The following HEG1 variants were observed in gnomAD, a reference collection of about 807,000 sequenced individuals.
HEG1 encodes the protein heart development protein with EGF like domains 1, also known as protein HEG homolog 1.
In HEG1, 56 loss-of-function variants were observed where a neutral mutation model predicts 125.6. The ratio of observed to expected loss-of-function variants is 0.45; its 90% CI spans 0.36 to 0.56. The LOEUF is 0.56. Among genes scored for constraint, HEG1 ranks in the 20% least tolerant of loss-of-function variants. The pLI, the probability that HEG1 is intolerant of heterozygous loss-of-function variation, is 0.00. For missense variants in HEG1, 1,523 were observed against 1,670.0 expected (o/e 0.91, Z 1.53); for synonymous variants, 644 against 668.5 (o/e 0.96, Z 0.57).
chr3:124,981,776 C>T (rs550517444), intron 14 of HEG1, among the ~76,000 whole-genome samples: 13 of 152,296 alleles, frequency 8.5e-5, no homozygotes, highest in South Asian at 4.1e-4. Flanking sequence ...AGCACTGCCT[C>T]GGGTAATGGT....
chr3:124,977,804 C>A (rs770873452), intron 15 of HEG1, 55 bp downstream of exon 15: 2 of 1,154,176 alleles, frequency 1.7e-6, no homozygotes, highest in East Asian at 5.1e-5. Context: ...ACAAACTGAC[C>A]CTTGTATAGC....
intron 9 of HEG1, among the ~76,000 whole-genome samples, chr3:125,004,792 C>T (rs1937049833): frequency 6.6e-6 from 1 of 152,182 alleles, no homozygotes; most frequent in Non-Finnish European, 1.5e-5. Context: ...GTCATCTATA[C>T]AGTGAGTTCT....
intron 1 of HEG1, among the ~76,000 whole-genome samples, chr3:125,044,183 G>C (rs76682580): frequency 0.023 from 3,567 of 152,326 alleles, 148 homozygotes; most frequent in African/African-American, 0.081. Flanking sequence ...CCTCCGAGGG[G>C]AGAAGCTAAA....
At chr3:125,052,327 A>T (rs1175434965) in intron 1 of HEG1, among the ~76,000 whole-genome samples, 1 of 152,144 alleles carries the variant, frequency 6.6e-6, no homozygotes, top group East Asian at 1.9e-4. Context: ...AGCCAAGCTA[A>T]ATGACGAAGT....
At chr3:124,973,221 G>T (rs1045005855) in intron 16 of HEG1, among the ~76,000 whole-genome samples, 1 of 151,982 alleles carries the variant, frequency 6.6e-6, no homozygotes, top group African/African-American at 2.4e-5. Flanking sequence ...TTTCTGTAGA[G>T]ACATGATTTC....
rs1348349443 is a variant in HEG1 at position 125,012,870 on chromosome 3, C to T, written c.2709G>A (p.Arg903=). ...TGGTAGCATCCACAATCACTCGGTT[C>T]CTTTCTGTGCTGATGCCACCTTCTG... ...ISTEGGISTE[R]NRVIVDATTG... The change falls in exon 6 of 17, where the codon AGG becomes AGA. Residue 903 remains arginine (R), a synonymous_variant. Transcript: ENST00000311127. 1 of 1,614,006 alleles carries T rather than the reference C, an allele frequency of 6.2e-7. No individual in the cohort carries two copies. Among genetic ancestry groups the T allele is most frequent in the Non-Finnish European group, 8.5e-7 (1 of 1,179,890 alleles).
At chr3:125,046,497 C>T (rs983309789) in intron 1 of HEG1, among the ~76,000 whole-genome samples, 13 of 151,222 alleles carry the variant, frequency 8.6e-5, no homozygotes, top group Admixed American at 4.0e-4. Flanking sequence ...GTCTTGAATG[C>T]CTGGCCTCAA....
chr3:125,014,998 G>A (rs1937224176), intron 5 of HEG1: 4 of 1,250,900 alleles, frequency 3.2e-6, no homozygotes, highest in Non-Finnish European at 4.1e-6. Context: ...CCTGGCTCTC[G>A]GCTGTCTTCC....
intron 12 of HEG1, among the ~76,000 whole-genome samples, chr3:124,995,655 GA>G (rs1470932345): frequency 6.6e-6 from 1 of 152,216 alleles, no homozygotes; most frequent in East Asian, 1.9e-4. Flanking sequence ...TGTGGCCCAA[GA>G]AGCCCGGAAT....
At chr3:124,988,798 T>G (rs1936786227) in intron 14 of HEG1, among the ~76,000 whole-genome samples, 1 of 152,144 alleles carries the variant, frequency 6.6e-6, no homozygotes, top group Non-Finnish European at 1.5e-5. Flanking sequence ...ACACCTGTTG[T>G]CCCAGCTACT....
At position 125,012,991 on chromosome 3, in the gene HEG1, G is replaced by A; in HGVS notation, c.2588C>T (p.Thr863Ile). ...LMTTPGTLSS[T>I]ASLVTGPIAV... ...TATAGGGCCAGTGACCAGAGATGCT[G>A]TGCTTGACAGGGTGCCAGGAGTGGT... Residue 863 changes from threonine (T) to isoleucine (I), a missense_variant, in exon 6 of 17, where the codon ACA becomes ATA. Coordinates refer to ENST00000311127, the MANE Select transcript of HEG1 (RefSeq NM_020733.2). 1 of 1,614,078 alleles carries A rather than the reference G, an allele frequency of 6.2e-7. No individual in the cohort carries two copies. The highest frequency in any genetic ancestry group is 8.5e-7 in the Non-Finnish European group (1 of 1,179,904).
At chr3:125,017,484 A>T (rs1327307347) in intron 5 of HEG1, among the ~76,000 whole-genome samples, 3 of 152,250 alleles carry the variant, frequency 2.0e-5, no homozygotes, top group Admixed American at 2.0e-4. Flanking sequence ...GCTCAGCATT[A>T]TTAGTCAACT....
rs557156973 is a variant in HEG1 at position 125,055,821 on chromosome 3, G to GCAT, written c.69_70insATG (p.Leu23_Pro24insMet). 0.2 allele frequency: 200,465 copies of GCAT among 985,770 alleles called. 21,694 individuals carry two copies. Among genetic ancestry groups the GCAT allele is most frequent in the Non-Finnish European group, 0.22 (182,404 of 831,212 alleles). The allele number at this position is 985,770 out of a possible 1,614,324, so 61.1% of individuals were successfully genotyped here. ...TCCCGCGTCCCGGGGGCCGCCGGCG[G>GCAT]CAGCAGCAGCAGCGGCAGCAACAGC... On this transcript the variant is annotated inframe_insertion, in exon 1 of 17. Coordinates refer to ENST00000311127, the MANE Select transcript of HEG1 (RefSeq NM_020733.2).
intron 15 of HEG1, among the ~76,000 whole-genome samples, chr3:124,976,931 T>G (rs1225465850): frequency 6.6e-6 from 1 of 152,180 alleles, no homozygotes; most frequent in Non-Finnish European, 1.5e-5. Context: ...CAAATAAACC[T>G]TTTTCTTTAG....
In HEG1 at chr3:124,990,805, C is replaced by T. The variant is rs766067429; in HGVS notation, c.3715G>A (p.Gly1239Ser). 2 of 1,563,776 alleles carry T rather than the reference C, an allele frequency of 1.3e-6. No individual in the cohort carries two copies. The highest frequency in any genetic ancestry group is 3.8e-5 in the Admixed American group (2 of 52,378). Reference protein sequence around the residue: ...TCMSCPFGLGGLNCGNPYQLI... With the variant: ...TCMSCPFGLGSLNCGNPYQLI... ...CACTTACGGTTTCCACAGTTGAGAC[C>T]ACCAAGGCCAAATGGGCAACTGCAA... The change falls in exon 14 of 17, where the codon GGT becomes AGT. Residue 1239 changes from glycine (G) to serine (S), a missense_variant. Transcript: ENST00000311127.
At position 124,970,371 on chromosome 3, in the gene HEG1, C is replaced by A; in HGVS notation, c.*281G>T. 8.1e-6 allele frequency: 3 copies of A among 370,154 alleles called. No individual in the cohort carries two copies. The South Asian group carries it at 1.3e-4, about 16-fold the overall frequency. The allele number at this position is 370,154 out of a possible 1,614,324, so 22.9% of individuals were successfully genotyped here. ...CTAGTGGTCTGCCCTGGCTAATAGT[C>A]GCCCTGGTGCCAGTGCCATGGTGCA... On this transcript the variant is annotated 3_prime_UTR_variant, in exon 17 of 17. Coordinates refer to ENST00000311127, the MANE Select transcript of HEG1 (RefSeq NM_020733.2).
chr3:125,019,647 T>C, intron 4 of HEG1, 50 bp from the exon 5 acceptor site: 1 of 1,415,184 alleles, frequency 7.1e-7, no homozygotes, highest in Non-Finnish European at 9.8e-7. Flanking sequence ...ATGAAAGAGA[T>C]CCCTTGGCAA....
intron 1 of HEG1, among the ~76,000 whole-genome samples, chr3:125,045,790 C>T (rs541378851): frequency 5.9e-4 from 90 of 152,276 alleles, no homozygotes; most frequent in Non-Finnish European, 1.2e-3. Flanking sequence ...GTTTACAAAG[C>T]GCGTCCATGT....
In HEG1 at chr3:124,966,532, C is replaced by T. The variant is rs1936317137; in HGVS notation, c.*4120G>A. Reference sequence around the variant, plus strand: ...CACACATGAGAACCTCAGAATGACACTTTGTTAAGGGAGGAAATGAAATGT... The same window carrying T: ...CACACATGAGAACCTCAGAATGACATTTTGTTAAGGGAGGAAATGAAATGT... On this transcript the variant is annotated 3_prime_UTR_variant, in exon 17 of 17. Transcript: ENST00000311127. The T allele has an allele frequency of 1.3e-5, 2 of 152,090 alleles. No homozygotes were observed. Among genetic ancestry groups the T allele is most frequent in the African/African-American group, 4.8e-5 (2 of 41,406 alleles). The allele number at this position is 152,090 out of a possible 1,614,324, so 9.4% of individuals were successfully genotyped here. A position where few individuals can be genotyped will look rare whatever the true frequency, so the allele number is the denominator to read the frequency against.
Sources: gnomAD v4.1 joint callset for allele counts (sites outside exome capture counted in the v4.1 genomes callset) on GRCh38, gnomAD v4.1.1 for gene constraint, MANE v1.5 for transcripts, NCBI Gene and HGNC (gene_info 2026-07-23, HGNC 2026-07-21) for gene names.